The following ARHGAP29 variants were observed in gnomAD, a reference collection of about 807,000 sequenced individuals.
The protein encoded by ARHGAP29 is Rho GTPase activating protein 29.
In ARHGAP29, 43 loss-of-function variants were observed where a neutral mutation model predicts 122.6. The ratio of observed to expected loss-of-function variants is 0.35; its 90% CI spans 0.27 to 0.45. The LOEUF is 0.45. ARHGAP29 is among the 20% of genes least tolerant of loss of function. The pLI is 1.00. For missense variants in ARHGAP29, 1,303 were observed against 1,477.2 expected (o/e 0.88, Z 1.93); for synonymous variants, 506 against 497.1 (o/e 1.02, Z -0.24).
At chr1:94,313,958 C>T in the ARHGAP29 span, among the ~76,000 whole-genome samples, 6 of 152,120 alleles carry the variant, frequency 3.9e-5, no homozygotes, top group Non-Finnish European at 8.8e-5. Context: ...GGGAACATCA[C>T]ACCCCAGGGC....
At chr1:94,269,549 G>A (rs1654908633) in intron 1 of ARHGAP29, among the ~76,000 whole-genome samples, 1 of 151,660 alleles carries the variant, frequency 6.6e-6, no homozygotes, top group Non-Finnish European at 1.5e-5. Flanking sequence ...AACAGAGGGA[G>A]CAAAATATAT....
At chr1:94,280,501 A>G in the ARHGAP29 span, among the ~76,000 whole-genome samples, 2 of 152,222 alleles carry the variant, frequency 1.3e-5, no homozygotes, top group Admixed American at 1.3e-4. Flanking sequence ...AAGTACTAAG[A>G]GATGGAAGGA....
At chr1:94,223,075 T>C (rs6541342) in intron 2 of ARHGAP29, among the ~76,000 whole-genome samples, 134,161 of 151,788 alleles carry the variant, frequency 0.88, 59,507 homozygotes, top group Non-Finnish European at 0.92. Flanking sequence ...TCCCGAGTAG[T>C]TGGGACTACA....
chr1:94,293,328 C>T, the ARHGAP29 span, among the ~76,000 whole-genome samples: 4 of 152,330 alleles, frequency 2.6e-5, no homozygotes, highest in African/African-American at 9.6e-5. Flanking sequence ...TTGCAAAGAC[C>T]ATGGGAAAAG....
At chr1:94,214,011 C>T (rs1398051280) in intron 3 of ARHGAP29, among the ~76,000 whole-genome samples, 2 of 149,712 alleles carry the variant, frequency 1.3e-5, no homozygotes, top group African/African-American at 5.1e-5. Context: ...ACAAGCTTCT[C>T]TCTATGCCTC....
chr1:94,205,590 AACT>A (rs773100154), intron 6 of ARHGAP29, 42 bp downstream of exon 6: 126 of 1,538,392 alleles, frequency 8.2e-5, no homozygotes, highest in South Asian at 6.1e-4. Context: ...CATAGAAAGT[AACT>A]ACAAGAAGTT....
At chr1:94,293,884 G>A in the ARHGAP29 span, among the ~76,000 whole-genome samples, 1 of 152,168 alleles carries the variant, frequency 6.6e-6, no homozygotes. Flanking sequence ...GGCCACTGGT[G>A]ATTGACTTTA....
At chr1:94,312,355 G>GTTT in the ARHGAP29 span, among the ~76,000 whole-genome samples, 6 of 88,790 alleles carry the variant, frequency 6.8e-5, 1 homozygote, top group African/African-American at 8.2e-5. Context: ...ATTTTTATTT[G>GTTT]TTTTTTTTTT....
In ARHGAP29 at chr1:94,173,751, A is replaced by C. The variant is rs1648895972; in HGVS notation, c.*118T>G. 8.5e-6 allele frequency: 11 copies of C among 1,297,164 alleles called. No individual in the cohort carries two copies. Among genetic ancestry groups the C allele is most frequent in the Middle Eastern group, 1.9e-4 (1 of 5,146 alleles). 80.4% of individuals were successfully genotyped at this position (1,297,164 alleles called of 1,614,324 possible). A position where few individuals can be genotyped will look rare whatever the true frequency, so the allele number is the denominator to read the frequency against. On this transcript the variant is annotated 3_prime_UTR_variant, in exon 23 of 23. Transcript: ENST00000260526. ...GGATAAATACAACAACAAAAGGCAA[A>C]ACCCATGATTTGGCAGTCCTATACA...
At chr1:94,255,589 A>G (rs1333486215) in intron 1 of ARHGAP29, among the ~76,000 whole-genome samples, 1 of 152,198 alleles carries the variant, frequency 6.6e-6, no homozygotes, top group East Asian at 1.9e-4. Flanking sequence ...TAAGTGCGGC[A>G]TTTCTTCCTA....
the ARHGAP29 span, among the ~76,000 whole-genome samples, chr1:94,287,368 T>G: frequency 1.3e-5 from 2 of 152,080 alleles, no homozygotes; most frequent in Non-Finnish European, 2.9e-5. Flanking sequence ...CAGTTTTCCC[T>G]GCTCTTGCTA....
Position 94,249,737 on chromosome 1 carries a change from G to C in ARHGAP29, c.-32-18094C>G, listed in dbSNP as rs111835025. On this transcript the variant is annotated intron_variant and NMD_transcript_variant, in intron 1 of 25. Transcript: ENST00000552844. ...TTGCACTCTAGCCTGGTCAACAAGA[G>C]TGAAACTCCATCTCAAAAAAAAAAA... Among the ~76,000 whole-genome samples, 178 of 151,040 alleles carry C rather than the reference G, an allele frequency of 1.2e-3. 2 individuals are homozygous for C. The Middle Eastern group carries it at 0.014, about 12-fold the overall frequency.
Position 94,202,920 on chromosome 1 carries a change from T to C in ARHGAP29, c.952A>G (p.Met318Val). 1 of 1,600,292 alleles carries C rather than the reference T, an allele frequency of 6.2e-7. No individual in the cohort carries two copies. Among genetic ancestry groups the C allele is most frequent in the Non-Finnish European group, 8.5e-7 (1 of 1,175,780 alleles). Residue 318 changes from methionine to valine, a missense_variant and splice_region_variant, in exon 10 of 23, where the codon ATG (methionine) becomes GTG (valine). Met to Val is a conservative substitution (Grantham distance 21). Transcript: ENST00000260526. ...TGAAACTCCATTTTAATACTAACCA[T>C]TTTATTTTGCTCCTGTTTCCAAAGC... ...KELWKQEQNK[M>V]LEAENALKKA...
chr1:94,245,874 C>G (rs1319776137), intron 1 of ARHGAP29, among the ~76,000 whole-genome samples: 4 of 152,138 alleles, frequency 2.6e-5, no homozygotes, highest in Non-Finnish European at 4.4e-5. Context: ...TACTAACCCC[C>G]GGGACCAAGA....
chr1:94,310,835 C>G, the ARHGAP29 span, among the ~76,000 whole-genome samples: 2 of 152,188 alleles, frequency 1.3e-5, no homozygotes, highest in East Asian at 1.9e-4. Context: ...GGGCAGCCAT[C>G]TAGGGTCCAA....
intron 13 of ARHGAP29, 39 bp from the exon 14 acceptor site, chr1:94,189,391 T>C: frequency 6.4e-7 from 1 of 1,560,700 alleles, no homozygotes. Flanking sequence ...AACTCAACAC[T>C]CCAAAGAATA....
Position 94,237,539 on chromosome 1 carries a change from A to C in ARHGAP29, c.-157T>G. ...GCCTGCGGACGCCCGGCCAAATCTC[A>C]GCCGCAGCCGCAGCCGCAGCCACAG... is the stretch of plus-strand genomic sequence containing the variant. On this transcript the variant is annotated 5_prime_UTR_variant, in exon 1 of 23. Coordinates refer to ENST00000260526, the MANE Select transcript of ARHGAP29 (RefSeq NM_004815.4). The C allele has an allele frequency of 1.0e-6, 1 of 990,150 alleles. No individual in the cohort carries two copies. The highest frequency in any genetic ancestry group is 1.2e-6 in the Non-Finnish European group (1 of 833,556). The allele number at this position is 990,150 out of a possible 1,614,324, so 61.3% of individuals were successfully genotyped here. A position where few individuals can be genotyped will look rare whatever the true frequency, so the allele number is the denominator to read the frequency against.
the ARHGAP29 span, among the ~76,000 whole-genome samples, chr1:94,291,871 G>A: frequency 2.4e-4 from 36 of 152,178 alleles, no homozygotes; most frequent in South Asian, 3.7e-3. Context: ...CCTTCTCTCC[G>A]GCTTCCCTTA....
intron 1 of ARHGAP29, among the ~76,000 whole-genome samples, chr1:94,265,329 T>A (rs1445023257): frequency 6.6e-6 from 1 of 152,258 alleles, no homozygotes; most frequent in Admixed American, 6.5e-5. Flanking sequence ...CTGGCAGGCA[T>A]GACCTCGCAT....
Sources: allele counts gnomAD v4.1 joint callset (sites outside exome capture counted in the v4.1 genomes callset), GRCh38; gene constraint gnomAD v4.1.1; transcripts MANE v1.5; gene names NCBI Gene and HGNC (gene_info 2026-07-23, HGNC 2026-07-21).